The following TTC39B variants were observed in gnomAD, a reference collection of about 807,000 sequenced individuals.
TTC39B encodes tetratricopeptide repeat domain 39B.
In TTC39B, 92 loss-of-function variants were observed where a neutral mutation model predicts 96.6. The observed-to-expected ratio is 0.95, with a 90% CI of 0.80 to 1.13. TTC39B has a LOEUF of 1.13. TTC39B is among the 50% of genes most tolerant of loss of function. TTC39B has a pLI of 0.00. For synonymous variants in TTC39B, 367 were observed against 299.4 expected (o/e 1.23, Z -2.33); for missense variants, 955 against 809.3 (o/e 1.18, Z -2.18).
At chr9:15,186,317 T>A (rs549464821) in intron 15 of TTC39B, among the ~76,000 whole-genome samples, 1 of 152,068 alleles carries the variant, frequency 6.6e-6, no homozygotes, top group South Asian at 2.1e-4. Flanking sequence ...GAGGTGGGGG[T>A]CAGAGGAAGG....
At chr9:15,279,355 T>A (rs922512635) in intron 1 of TTC39B, among the ~76,000 whole-genome samples, 2 of 152,176 alleles carry the variant, frequency 1.3e-5, no homozygotes, top group South Asian at 2.1e-4. Flanking sequence ...AATATGAGTG[T>A]TCGGAAGAGG....
chr9:15,199,948 A>C (rs1257016337), intron 7 of TTC39B, 23 bp from the exon 8 acceptor site: 5 of 1,457,950 alleles, frequency 3.4e-6, no homozygotes, highest in Non-Finnish European at 3.8e-6. Context: ...CAGTTAAAAA[A>C]TTAGATTATT....
rs1819691690 is a variant in TTC39B at position 15,203,893 on chromosome 9, AC to A, written c.692-4del. On this transcript the variant is annotated splice_region_variant and splice_polypyrimidine_tract_variant and intron_variant, in intron 6 of 19. Transcript: ENST00000512701. ...ACAGATTTCAGCATGCATTTCCTCTACAAAAAACAAATAAAATTATATTAAG... is the reference window on the plus strand; with the variant it reads ...ACAGATTTCAGCATGCATTTCCTCTAAAAAAACAAATAAAATTATATTAAG... The A allele has an allele frequency of 1.2e-6, 2 of 1,611,560 alleles. No individual in the cohort carries two copies. Among genetic ancestry groups the A allele is most frequent in the Non-Finnish European group, 1.7e-6 (2 of 1,178,786 alleles).
intron 17 of TTC39B, among the ~76,000 whole-genome samples, chr9:15,178,148 C>T (rs559214940): frequency 8.5e-4 from 129 of 152,132 alleles, no homozygotes; most frequent in East Asian, 1.4e-3. Flanking sequence ...GGATTACAGG[C>T]GTGAGCCACC....
chr9:15,171,328 TAG>T (rs1203284613), exon 20 of TTC39B: 1 of 152,204 alleles, frequency 6.6e-6, no homozygotes, highest in Non-Finnish European at 1.5e-5. Context: ...TCCTTCCCTT[TAG>T]ATACACAGGG....
chr9:15,211,265 C>A lies in TTC39B; in HGVS notation c.614+1G>T. 1 of 1,536,634 alleles carries A rather than the reference C, an allele frequency of 6.5e-7. No homozygotes were observed. The highest frequency in any genetic ancestry group is 1.3e-5 in the South Asian group (1 of 78,838). ...CTTAAGTATTTAATGACTCGTCATA[C>A]TTTTGGCAGGTTTGTAAAGCGTCCT... On this transcript the variant is annotated splice_donor_variant, in intron 5 of 19. Coordinates refer to ENST00000512701, the Ensembl canonical transcript of TTC39B. LOFTEE classifies it high-confidence loss of function.
intron 3 of TTC39B, among the ~76,000 whole-genome samples, chr9:15,214,687 C>G (rs1298305888): frequency 6.6e-6 from 1 of 152,138 alleles, no homozygotes; most frequent in Non-Finnish European, 1.5e-5. Context: ...GAAATTTGTT[C>G]TGTTTTGATT....
intron 1 of TTC39B, among the ~76,000 whole-genome samples, chr9:15,274,027 C>G (rs978186578): frequency 6.6e-6 from 1 of 152,150 alleles, no homozygotes; most frequent in Admixed American, 6.5e-5. Flanking sequence ...GACTGACACA[C>G]CTGGAGGATT....
At chr9:15,211,165 A>C in intron 5 of TTC39B, 101 bp downstream of exon 5, 2 of 1,327,190 alleles carry the variant, frequency 1.5e-6, no homozygotes, top group South Asian at 2.2e-5. Flanking sequence ...ACTGTGGCCA[A>C]TTTCAAACAC....
At chr9:15,281,150 T>C (rs1823746845) in intron 1 of TTC39B, among the ~76,000 whole-genome samples, 2 of 152,068 alleles carry the variant, frequency 1.3e-5, no homozygotes, top group Non-Finnish European at 2.9e-5. Flanking sequence ...CCTTTTCTCT[T>C]TCTAAACTAA....
chr9:15,245,738 C>A (rs1398639763), intron 2 of TTC39B, among the ~76,000 whole-genome samples: 1 of 152,132 alleles, frequency 6.6e-6, no homozygotes, highest in Non-Finnish European at 1.5e-5. Context: ...ATTCTATAAC[C>A]CATTAATCTA....
intron 1 of TTC39B, among the ~76,000 whole-genome samples, chr9:15,271,881 G>A (rs1321580018): frequency 6.6e-6 from 1 of 152,162 alleles, no homozygotes; most frequent in Non-Finnish European, 1.5e-5. Flanking sequence ...ATATCTTTAT[G>A]AGACTCTTAT....
chr9:15,183,275 C>A (rs1818338866), intron 16 of TTC39B: 4 of 391,880 alleles, frequency 1.0e-5, no homozygotes, highest in South Asian at 5.6e-5. Flanking sequence ...TGACACTCTA[C>A]CTTCAATTTT....
At chr9:15,190,044 G>T (rs1421546503) in intron 11 of TTC39B, among the ~76,000 whole-genome samples, 1 of 152,008 alleles carries the variant, frequency 6.6e-6, no homozygotes, top group Non-Finnish European at 1.5e-5. Context: ...GGAATTTCTG[G>T]TTTTAACAGC....
exon 20 of TTC39B, chr9:15,169,062 T>A (rs376918537): frequency 6.6e-6 from 1 of 152,174 alleles, no homozygotes; most frequent in African/African-American, 2.4e-5. Context: ...GAAATGACAG[T>A]CACATTAGCC....
intron 17 of TTC39B, 117 bp from the exon 18 acceptor site, chr9:15,177,931 G>A (rs559907009): frequency 2.6e-5 from 14 of 547,044 alleles, no homozygotes; most frequent in South Asian, 2.3e-4. Context: ...GTGCAGTGGC[G>A]CAATCTCGGC....
chr9:15,178,409 C>CA lies in TTC39B; in HGVS notation c.1724-596dup, dbSNP rs748534348. Among the ~76,000 whole-genome samples the CA allele has an allele frequency of 3.3e-3, 500 of 151,616 alleles. 5 individuals are homozygous for CA. Among genetic ancestry groups the CA allele is most frequent in the Non-Finnish European group, 5.4e-3 (365 of 67,852 alleles). On this transcript the variant is annotated intron_variant, in intron 17 of 19. Coordinates refer to ENST00000512701, the Ensembl canonical transcript of TTC39B. ...GCAATACAATGAGACCCCGTCTCTACAAAAAAAAATTTTTTTAATTACTGG... is the reference window on the plus strand; with the variant it reads ...GCAATACAATGAGACCCCGTCTCTACAAAAAAAAAATTTTTTTAATTACTGG...
intron 6 of TTC39B, among the ~76,000 whole-genome samples, chr9:15,205,468 G>A (rs1819792464): frequency 6.6e-6 from 1 of 151,192 alleles, no homozygotes; most frequent in Admixed American, 6.6e-5. Flanking sequence ...ATATTCCAAT[G>A]TTTAATTTAC....
At chr9:15,232,648 G>A (rs977274754) in intron 2 of TTC39B, among the ~76,000 whole-genome samples, 2 of 152,196 alleles carry the variant, frequency 1.3e-5, no homozygotes, top group African/African-American at 4.8e-5. Context: ...TCCAAGAAAT[G>A]AGGGAAGAGA....
Sources: allele counts gnomAD v4.1 joint callset (sites outside exome capture counted in the v4.1 genomes callset), GRCh38; gene constraint gnomAD v4.1.1; transcripts MANE v1.5; gene names NCBI Gene and HGNC (gene_info 2026-07-23, HGNC 2026-07-21).